Variants in PARVB observed in about 807,000 individuals in gnomAD.
The protein encoded by PARVB is beta-parvin.
In PARVB, 46 loss-of-function variants were observed where a neutral mutation model predicts 47.0. The observed-to-expected ratio is 0.98, with a 90% CI of 0.77 to 1.25. PARVB has a LOEUF of 1.25. Among genes scored for constraint, PARVB ranks in the 50% most tolerant of loss-of-function variants. The pLI, the probability that PARVB is intolerant of heterozygous loss-of-function variation, is 0.00. For synonymous variants in PARVB, 196 were observed against 196.3 expected, an observed-to-expected ratio of 1.00 and a Z score of 0.01; for missense variants, 473 against 471.6, an observed-to-expected ratio of 1.00 and a Z score of -0.03.
intron 5 of PARVB, among the ~76,000 whole-genome samples, chr22:44,132,500 G>A (rs1040625211): frequency 2.0e-5 from 3 of 152,132 alleles, no homozygotes; most frequent in Non-Finnish European, 4.4e-5. Flanking sequence ...GGTTCATTGC[G>A]GAGAGGGAGC....
At chr22:44,115,908 C>G (rs111893681) in intron 3 of PARVB, 1 of 151,420 alleles carries the variant, frequency 6.6e-6, no homozygotes, top group Admixed American at 6.6e-5. Context: ...TAAGGCCCTG[C>G]ACCAACACAG....
chr22:44,156,896 G>A (rs1022956811), intron 10 of PARVB, among the ~76,000 whole-genome samples: 4 of 152,110 alleles, frequency 2.6e-5, no homozygotes, highest in South Asian at 2.1e-4. Context: ...TAGAGAATTG[G>A]GGGACAGAGT....
chr22:44,074,720 C>T (rs1218093989), intron 1 of PARVB, among the ~76,000 whole-genome samples: 3 of 152,202 alleles, frequency 2.0e-5, no homozygotes, highest in Non-Finnish European at 4.4e-5. Flanking sequence ...CCTCAGCTTC[C>T]CAGCTGCCCA....
At chr22:44,063,226 CTTTTCTTTT>C in intron 1 of PARVB, among the ~76,000 whole-genome samples, 1 of 140,722 alleles carries the variant, frequency 7.1e-6, no homozygotes, top group South Asian at 2.2e-4. Flanking sequence ...TATTTCTTTT[CTTTTCTTTT>C]TTTTTTTTTG....
chr22:44,156,091 T>TGTGAGCCGAGGTTGCA (rs1314956668), intron 10 of PARVB, among the ~76,000 whole-genome samples: 7 of 151,818 alleles, frequency 4.6e-5, no homozygotes, highest in African/African-American at 1.5e-4. Context: ...CAGAGGTTGC[T>TGTGAGCCGAGGTTGCA]GTGAGCCGAG....
At chr22:44,034,145 T>G (rs1051039046) in intron 1 of PARVB, among the ~76,000 whole-genome samples, 11 of 150,180 alleles carry the variant, frequency 7.3e-5, no homozygotes, top group Non-Finnish European at 8.9e-5. Flanking sequence ...AAAGAATAAT[T>G]TTGGAATTCA....
intron 1 of PARVB, among the ~76,000 whole-genome samples, chr22:44,056,051 G>A (rs9614321): frequency 0.14 from 21,339 of 152,270 alleles, 1,980 homozygotes; most frequent in Middle Eastern, 0.23. Context: ...CCACTTGCTT[G>A]TCTTTCCTTG....
intron 12 of PARVB, among the ~76,000 whole-genome samples, chr22:44,167,324 C>G (rs763121987): frequency 6.6e-6 from 1 of 152,152 alleles, no homozygotes; most frequent in Non-Finnish European, 1.5e-5. Context: ...TGATTCCTAT[C>G]CCTGGGCGCA....
chr22:43,999,482 T>G, intron 1 of PARVB: 1 of 1,559,002 alleles, frequency 6.4e-7, no homozygotes, highest in Non-Finnish European at 8.8e-7. Context: ...ATTTCTAGCT[T>G]CTCTTGAGAA....
chr22:44,057,727 A>G (rs2146952125), intron 1 of PARVB, among the ~76,000 whole-genome samples: 1 of 151,766 alleles, frequency 6.6e-6, no homozygotes, highest in South Asian at 2.1e-4. Context: ...CTAGCACCAG[A>G]CACCCGCTTG....
rs1037456359 is a variant in PARVB, at chr22:44,114,304, C to T, written c.274-4734C>T. The T allele has an allele frequency of 3.0e-4, 45 of 150,186 alleles. No individual in the cohort carries two copies. In the South Asian group the frequency reaches 3.3e-3, roughly 11 times the overall value. 9.3% of individuals were successfully genotyped at this position (150,186 alleles called of 1,614,324 possible). A position where few individuals can be genotyped will look rare whatever the true frequency, so the allele number is the denominator to read the frequency against. On this transcript the variant is annotated intron_variant, in intron 3 of 12. Coordinates refer to ENST00000338758, the MANE Select transcript of PARVB (RefSeq NM_013327.5). ...GATACATTGTTACTAAGGCCCTACA[C>T]CAGAATGGATACATTGTACATTGTT...
In PARVB at chr22:44,027,914, C is replaced by CATATATATATATATATAT. The variant is rs3083338; in HGVS notation, c.112+3472_112+3489dup. Among the ~76,000 whole-genome samples, 88 of 133,224 alleles carry CATATATATATATATATAT rather than the reference C, an allele frequency of 6.6e-4. 1 individual carries two copies. Among genetic ancestry groups the CATATATATATATATATAT allele is most frequent in the African/African-American group, 2.3e-3 (82 of 35,780 alleles). The allele number at this position is 133,224 out of a possible 152,430, so 87.4% of individuals were successfully genotyped here. On this transcript the variant is annotated intron_variant, in intron 1 of 12. Coordinates refer to ENST00000338758, the MANE Select transcript of PARVB (RefSeq NM_013327.5). ...CTCCATATCAAATAGAAAAAAAAACCATATATATATATATATATATATATA... is the reference window on the plus strand; with the variant it reads ...CTCCATATCAAATAGAAAAAAAAACCATATATATATATATATATATATATATATATATATATATATATA...
Position 44,103,001 on chromosome 22 carries a change from G to A in PARVB, c.273+2878G>A, listed in dbSNP as rs1487359708. The A allele has an allele frequency of 6.6e-6, 1 of 152,496 alleles. No homozygotes were observed. The highest frequency in any genetic ancestry group is 1.5e-5 in the Non-Finnish European group (1 of 68,268). 9.4% of individuals were successfully genotyped at this position (152,496 alleles called of 1,614,324 possible). A position where few individuals can be genotyped will look rare whatever the true frequency, so the allele number is the denominator to read the frequency against. ...CCTGTGCTGGGCCCTGGGATTCGGGGATGGATAAGTGACTTCCCTGCTATG... is the reference window on the plus strand; with the variant it reads ...CCTGTGCTGGGCCCTGGGATTCGGGAATGGATAAGTGACTTCCCTGCTATG... On this transcript the variant is annotated intron_variant, in intron 3 of 12. Transcript: ENST00000338758. This position sits in a 1 kb window ranked among gnomAD's most constrained non-coding sequence, Gnocchi z 4.6.
chr22:44,058,549 A>ATTTT (rs35947294), intron 1 of PARVB, among the ~76,000 whole-genome samples: 79 of 96,022 alleles, frequency 8.2e-4, no homozygotes, highest in Middle Eastern at 6.4e-3. Context: ...GTGGACGTGG[A>ATTTT]TTTTTTTTTT....
At chr22:44,062,366 G>T (rs1035844679) in intron 1 of PARVB, among the ~76,000 whole-genome samples, 1 of 152,154 alleles carries the variant, frequency 6.6e-6, no homozygotes, top group Non-Finnish European at 1.5e-5. Flanking sequence ...GGCCAGGCAC[G>T]GTGGCTCAAG....
intron 12 of PARVB, among the ~76,000 whole-genome samples, chr22:44,164,932 C>G (rs1363039324): frequency 1.3e-5 from 2 of 152,210 alleles, no homozygotes; most frequent in East Asian, 3.9e-4. Context: ...CCTGCCTGTT[C>G]ATCCTCCTCT....
rs1025658526 is a variant in PARVB at position 44,135,353 on chromosome 22, G to A, written c.634-1107G>A. On this transcript the variant is annotated intron_variant, in intron 6 of 12. Transcript: ENST00000338758. ...AGCTCACTGCAACCTCTGCCTCCTG[G>A]GTTCAACTGATTCTCCTGCCTCAGC... 1.2e-4 allele frequency among the ~76,000 whole-genome samples: 19 copies of A among 152,250 alleles called. No individual in the cohort carries two copies. In the South Asian group the frequency reaches 2.9e-3, roughly 23 times the overall value.
At chr22:44,138,248 A>T (rs2053480290) in intron 7 of PARVB, among the ~76,000 whole-genome samples, 1 of 152,126 alleles carries the variant, frequency 6.6e-6, no homozygotes, top group Non-Finnish European at 1.5e-5. Context: ...AGTCTAACAC[A>T]GGGGCTTGTG....
intron 1 of PARVB, among the ~76,000 whole-genome samples, chr22:44,034,210 T>C (rs1225097468): frequency 6.7e-6 from 1 of 150,056 alleles, no homozygotes; most frequent in Non-Finnish European, 1.5e-5. Context: ...ATAATTATAT[T>C]ATAAAGAATA....
Sources: allele counts gnomAD v4.1 joint callset (sites outside exome capture counted in the v4.1 genomes callset), GRCh38; gene constraint gnomAD v4.1.1; non-coding constraint Gnocchi (gnomAD v3.1); transcripts MANE v1.5; gene names NCBI Gene and HGNC (gene_info 2026-07-23, HGNC 2026-07-21).